The following SPACA6 variants were observed in gnomAD, a reference collection of about 807,000 sequenced individuals.
SPACA6 encodes sperm acrosome membrane-associated protein 6.
For synonymous variants in SPACA6, 6 were observed against 1.5 expected, an observed-to-expected ratio of 4.05 and a Z score of -2.21; for missense variants, 8 against 2.8, an observed-to-expected ratio of 2.88 and a Z score of -1.34.
intron 3 of SPACA6, among the ~76,000 whole-genome samples, chr19:51,702,350 C>G (rs545666044): frequency 6.6e-6 from 1 of 151,710 alleles, no homozygotes; most frequent in African/African-American, 2.4e-5. Flanking sequence ...CTGGATTGCC[C>G]ATCCCCATCA....
chr19:51,701,970 G>C (rs1600141845), intron 3 of SPACA6, among the ~76,000 whole-genome samples: 1 of 152,264 alleles, frequency 6.6e-6, no homozygotes, highest in South Asian at 2.1e-4. Flanking sequence ...TACTCAGGAG[G>C]CTGAGGCAGG....
chr19:51,707,497 T>C (rs1345368400), downstream of SPACA6, among the ~76,000 whole-genome samples: 2 of 151,956 alleles, frequency 1.3e-5, no homozygotes, highest in Admixed American at 6.6e-5. Context: ...GCTGAGATTA[T>C]AGGCGTGAGC....
downstream of SPACA6, among the ~76,000 whole-genome samples, chr19:51,706,717 TG>T (rs1306919417): frequency 6.6e-6 from 1 of 152,082 alleles, no homozygotes; most frequent in Non-Finnish European, 1.5e-5. Flanking sequence ...TGGAGTGCAA[TG>T]GTGCGATGTC....
downstream of SPACA6, among the ~76,000 whole-genome samples, chr19:51,705,799 C>A (rs1373603518): frequency 6.6e-6 from 1 of 152,070 alleles, no homozygotes. Context: ...CGGGTTCAAG[C>A]GATTCTTCTG....
chr19:51,695,028 A>G lies in SPACA6; in HGVS notation c.292+473A>G, dbSNP rs1409204649. Among the ~76,000 whole-genome samples, 5 of 149,422 alleles carry G rather than the reference A, an allele frequency of 3.3e-5. No individual in the cohort carries two copies. The East Asian group carries it at 9.7e-4, about 29-fold the overall frequency. ...GGCATCTTCCTCTAGGATAGAACAC[A>G]CACACACTCGCACACAGACACGCTC... is the stretch of plus-strand genomic sequence containing the variant. On this transcript the variant is annotated intron_variant, in intron 2 of 8. Coordinates refer to ENST00000637797, the MANE Select transcript of SPACA6 (RefSeq NM_001316972.2).
downstream of SPACA6, among the ~76,000 whole-genome samples, chr19:51,706,725 T>C (rs139821217): frequency 3.3e-4 from 51 of 152,266 alleles, no homozygotes; most frequent in Non-Finnish European, 6.3e-4. Flanking sequence ...AATGGTGCGA[T>C]GTCGGCTCAC....
At chr19:51,699,985 G>A (rs1209561097) in intron 2 of SPACA6, among the ~76,000 whole-genome samples, 1 of 152,190 alleles carries the variant, frequency 6.6e-6, no homozygotes, top group Non-Finnish European at 1.5e-5. Context: ...CAGGCATGGT[G>A]GCCCACACCT....
At chr19:51,687,288 TACATAC>T (rs1336216617), upstream of SPACA6, 1 of 150,244 alleles carries the variant, frequency 6.7e-6, no homozygotes, top group Non-Finnish European at 1.5e-5. Flanking sequence ...CATACATACA[TACATAC>T]ATACATACAT....
intron 2 of SPACA6, among the ~76,000 whole-genome samples, chr19:51,700,568 G>A (rs1018394218): frequency 2.0e-5 from 3 of 152,190 alleles, no homozygotes; most frequent in African/African-American, 7.2e-5. Context: ...ATGGATTTGG[G>A]TCATAGGCCA....
At chr19:51,687,456 G>A (rs2083333691), upstream of SPACA6, 1 of 143,208 alleles carries the variant, frequency 7.0e-6, no homozygotes, top group Non-Finnish European at 1.5e-5. Flanking sequence ...GGTTCTATAA[G>A]CCTAGATATG....
In SPACA6 at chr19:51,693,386, TCCTCATAC is replaced by T. The variant is rs767384497; in HGVS notation, c.-137_-130del. The T allele has an allele frequency of 3.3e-5, 23 of 690,214 alleles. No individual in the cohort carries two copies. In the Admixed American group the frequency reaches 4.4e-4, roughly 13 times the overall value. The allele number at this position is 690,214 out of a possible 1,614,324, so 42.8% of individuals were successfully genotyped here. On this transcript the variant is annotated 5_prime_UTR_variant, in exon 1 of 9. Transcript: ENST00000637797. ...GCTGGCCTGACTTCTGACCCCTGAC[TCCTCATAC>T]CCTTCCTCCAGAGCATGACATTTGA...
chr19:51,707,230 CTT>C (rs57130350), downstream of SPACA6, among the ~76,000 whole-genome samples: 48,689 of 140,900 alleles, frequency 0.35, 8,465 homozygotes, highest in African/African-American at 0.53. Flanking sequence ...CTCTCTCTCC[CTT>C]TTTTTTTTTT....
rs1409057368 is a variant in SPACA6 at position 51,704,337 on chromosome 19, G to T, written c.798G>T (p.Ala266=). 2.5e-6 allele frequency: 1 copy of T among 400,772 alleles called. No homozygotes were observed. Among genetic ancestry groups the T allele is most frequent in the Non-Finnish European group, 4.4e-6 (1 of 226,146 alleles). The allele number at this position is 400,772 out of a possible 1,614,324, so 24.8% of individuals were successfully genotyped here. A position where few individuals can be genotyped will look rare whatever the true frequency, so the allele number is the denominator to read the frequency against. Residue 266 remains alanine (A), a synonymous_variant, in exon 8 of 9, where the codon GCG becomes GCT. Transcript: ENST00000637797. ...QASFREVLRW[A]PRDAELIEPW... ...CGTTCCGGGAAGTGCTGCGCTGGGC[G>T]CCGCGGGATGCCGAGCTGATCGAGC...
chr19:51,708,287 A>G (rs113591581), downstream of SPACA6, among the ~76,000 whole-genome samples: 2 of 152,250 alleles, frequency 1.3e-5, no homozygotes, highest in East Asian at 3.8e-4. Flanking sequence ...GTACAAGGGT[A>G]TAAGACTGTC....
intron 2 of SPACA6, among the ~76,000 whole-genome samples, chr19:51,698,925 T>A (rs888204697): frequency 6.6e-6 from 1 of 152,186 alleles, no homozygotes; most frequent in Non-Finnish European, 1.5e-5. Flanking sequence ...CATGGTCCCG[T>A]GTGGCTGCTA....
chr19:51,698,031 G>T (rs959749234), intron 2 of SPACA6, among the ~76,000 whole-genome samples: 1 of 152,176 alleles, frequency 6.6e-6, no homozygotes. Flanking sequence ...CGATGCCATG[G>T]AAGAGTGGGG....
chr19:51,712,487 A>G (rs891738256), downstream of SPACA6: 1 of 152,438 alleles, frequency 6.6e-6, no homozygotes, highest in Non-Finnish European at 1.5e-5. Context: ...ATATGTTCAG[A>G]TGCTGATGGG....
upstream of SPACA6, chr19:51,685,556 G>A (rs2083324613): frequency 6.6e-6 from 1 of 152,134 alleles, no homozygotes. Flanking sequence ...TTTGTTTTAA[G>A]ACAGGGTCTC....
chr19:51,697,999 A>C (rs1224794177), intron 2 of SPACA6, among the ~76,000 whole-genome samples: 1 of 152,190 alleles, frequency 6.6e-6, no homozygotes. Context: ...ACTTAGTGAC[A>C]CCATCTCATA....
Sources: allele counts gnomAD v4.1 joint callset (sites outside exome capture counted in the v4.1 genomes callset), GRCh38; gene constraint gnomAD v4.1.1; transcripts MANE v1.5; gene names NCBI Gene and HGNC (gene_info 2026-07-23, HGNC 2026-07-21).